ZNF215: variants seen among roughly 807,000 people sequenced by gnomAD.
The protein encoded by ZNF215 is BWSCR2-associated zinc finger protein 2.
In ZNF215, 24 loss-of-function variants were observed where a neutral mutation model predicts 27.2. The observed-to-expected ratio is 0.88, with a 90% confidence interval of 0.64 to 1.24. The LOEUF (loss-of-function observed/expected upper bound fraction) is 1.24. Among genes scored for constraint, ZNF215 ranks in the 50% most tolerant of loss-of-function variants. ZNF215 has a pLI of 0.00. For synonymous variants in ZNF215, 210 were observed against 204.0 expected, an observed-to-expected ratio of 1.03 and a Z score of -0.25; for missense variants, 675 against 605.7, an observed-to-expected ratio of 1.11 and a Z score of -1.20.
downstream of ZNF215, among the ~76,000 whole-genome samples, chr11:6,991,160 C>G (rs1851112288): frequency 1.3e-5 from 2 of 152,224 alleles, no homozygotes; most frequent in Admixed American, 1.3e-4. Flanking sequence ...TGGGAAAGGG[C>G]AAAGAGTCTC....
chr11:6,928,914 C>G (rs937400102), intron 2 of ZNF215, among the ~76,000 whole-genome samples: 1 of 151,952 alleles, frequency 6.6e-6, no homozygotes, highest in Non-Finnish European at 1.5e-5. Flanking sequence ...ACAGTTGTGG[C>G]GGGTTTTCAG....
intron 6 of ZNF215, among the ~76,000 whole-genome samples, chr11:6,945,776 G>A (rs980275258): frequency 6.6e-6 from 1 of 151,988 alleles, no homozygotes; most frequent in African/African-American, 2.4e-5. Context: ...ATCTTGTTTT[G>A]TCTTCTCTTC....
In ZNF215 at chr11:6,931,789, T is replaced by G. The variant is rs1266089633; in HGVS notation, c.-179-305T>G. On this transcript the variant is annotated intron_variant, in intron 2 of 6. Transcript: ENST00000278319. ...TACCTGAAGATTTGTGTTGCTTAATTTTAAGGTAAAAATGATTTGCTACCT... is the reference window on the plus strand; with the variant it reads ...TACCTGAAGATTTGTGTTGCTTAATGTTAAGGTAAAAATGATTTGCTACCT... Among the ~76,000 whole-genome samples, 3 of 152,306 alleles carry G rather than the reference T, an allele frequency of 2.0e-5. No homozygotes were observed. The South Asian group carries it at 6.2e-4, about 32-fold the overall frequency.
chr11:6,935,372 C>T (rs1849398338), intron 3 of ZNF215, among the ~76,000 whole-genome samples: 1 of 152,116 alleles, frequency 6.6e-6, no homozygotes. Context: ...TCTGCAGAGA[C>T]CAGTTGATGG....
chr11:6,943,592 GA>G lies in ZNF215; in HGVS notation c.670del (p.Arg224AspfsTer3), dbSNP rs779367863. On this transcript the variant is annotated frameshift_variant, in exon 6 of 7. Coordinates refer to ENST00000278319, the MANE Select transcript of ZNF215 (RefSeq NM_013250.4). LOFTEE classifies it low-confidence loss of function (END_TRUNC). ...TTGAGAGCCTTAAGTTGGAGAGTAA[GA>G]AAAAAAGATGGATAATGGAGAAAGA... The part of the protein sequence containing the change: ...PFESLKLESK[K>X]KRWIMEKEIP... 1.9e-6 allele frequency: 3 copies of G among 1,613,720 alleles called. No homozygotes were observed. Among genetic ancestry groups the G allele is most frequent in the African/African-American group, 2.7e-5 (2 of 74,888 alleles).
In ZNF215 at chr11:6,957,655, T is replaced by C. The variant is rs1432321577; in HGVS notation, c.*1124T>C. On this transcript the variant is annotated 3_prime_UTR_variant, in exon 7 of 7. Coordinates refer to ENST00000278319, the MANE Select transcript of ZNF215 (RefSeq NM_013250.4). ...CTTAACTCTTGTTTGTATCCATTAGTCTATGGTAAAATTGGTTTTGTTATA... is the reference window on the plus strand; with the variant it reads ...CTTAACTCTTGTTTGTATCCATTAGCCTATGGTAAAATTGGTTTTGTTATA... 1 of 695,488 alleles carries C rather than the reference T, an allele frequency of 1.4e-6. No homozygotes were observed. Among genetic ancestry groups the C allele is most frequent in the East Asian group, 1.3e-4 (1 of 7,498 alleles). The allele number at this position is 695,488 out of a possible 1,614,324, so 43.1% of individuals were successfully genotyped here.
Position 6,956,486 on chromosome 11 carries a change from A to G in ZNF215, c.1509A>G (p.Ser503=), listed in dbSNP as rs758114039. Residue 503 remains serine (S), a synonymous_variant, in exon 7 of 7, where the codon TCA becomes TCG. Transcript: ENST00000278319. ...GTAGTAAAGCCTTCAACAGGAGTTCAAACCTTGTTAAACATCAAAAACTGC... is the reference window on the plus strand; with the variant it reads ...GTAGTAAAGCCTTCAACAGGAGTTCGAACCTTGTTAAACATCAAAAACTGC... ...KECSKAFNRS[S]NLVKHQKLHT... is the part of the protein sequence containing the mutation. 6.2e-7 allele frequency: 1 copy of G among 1,605,286 alleles called. No homozygotes were observed. Among genetic ancestry groups the G allele is most frequent in the Admixed American group, 1.7e-5 (1 of 57,566 alleles).
At chr11:6,937,158 T>C (rs1194606223) in intron 3 of ZNF215, among the ~76,000 whole-genome samples, 1 of 152,022 alleles carries the variant, frequency 6.6e-6, no homozygotes, top group Non-Finnish European at 1.5e-5. Context: ...GCAGATGTTA[T>C]ACTCTTATAT....
At chr11:6,935,567 T>TA (rs1192239813) in intron 3 of ZNF215, among the ~76,000 whole-genome samples, 1 of 152,056 alleles carries the variant, frequency 6.6e-6, no homozygotes, top group African/African-American at 2.4e-5. Flanking sequence ...AGCCTCAAAA[T>TA]ATATGAAGCA....
chr11:6,984,096 T>G, intron 5 of ZNF215: 1 of 407,796 alleles, frequency 2.5e-6, no homozygotes, highest in Non-Finnish European at 4.8e-6. Flanking sequence ...GAAGATAATT[T>G]GACAATGTCC....
In ZNF215 at chr11:6,970,946, C is replaced by T. The variant is rs549438102; in HGVS notation, c.806-13183C>T. On this transcript the variant is annotated intron_variant, in intron 5 of 5. Coordinates refer to the ZNF215 transcript ENST00000529903. ...CCCTGTGGGGGAACTTTATCATGCT[C>T]TTCTTCCTTGCAAGTGATTGGTAGA... Among the ~76,000 whole-genome samples the T allele has an allele frequency of 3.3e-5, 5 of 152,276 alleles. No homozygotes were observed. The East Asian group carries it at 5.8e-4, about 18-fold the overall frequency.
At chr11:6,986,839 TCAAAAA>T (rs111675108), downstream of ZNF215, among the ~76,000 whole-genome samples, 38,980 of 151,324 alleles carry the variant, frequency 0.26, 5,825 homozygotes, top group East Asian at 0.61. Context: ...TGTTAAAAAG[TCAAAAA>T]CAAAAACAAA....
downstream of ZNF215, among the ~76,000 whole-genome samples, chr11:6,993,723 T>A (rs1229118442): frequency 6.6e-6 from 1 of 152,238 alleles, no homozygotes; most frequent in Non-Finnish European, 1.5e-5. Context: ...TGCCTAGATT[T>A]TATATACAGT....
chr11:6,981,717 T>G (rs575546423), intron 5 of ZNF215, among the ~76,000 whole-genome samples: 6 of 152,320 alleles, frequency 3.9e-5, no homozygotes, highest in African/African-American at 1.4e-4. Context: ...TGCCTAGGTT[T>G]TCTTCAGGGT....
intron 5 of ZNF215, among the ~76,000 whole-genome samples, chr11:6,967,653 ATTTG>A (rs1190021528): frequency 2.6e-5 from 4 of 151,562 alleles, no homozygotes; most frequent in African/African-American, 9.7e-5. Context: ...TTTCTTGTGG[ATTTG>A]TTTAAGTTCT....
At chr11:6,978,283 C>G (rs1185772722) in intron 5 of ZNF215, among the ~76,000 whole-genome samples, 2 of 152,016 alleles carry the variant, frequency 1.3e-5, no homozygotes, top group Admixed American at 6.6e-5. Flanking sequence ...GAAAAATACA[C>G]TGATTGAATG....
rs201689139 is a variant in ZNF215 at position 6,955,981 on chromosome 11, A to T, written c.1004A>T (p.Asp335Val). 5.6e-6 allele frequency: 9 copies of T among 1,612,952 alleles called. 1 individual carries two copies. In the South Asian group the frequency reaches 8.8e-5, roughly 16 times the overall value. ...IPSRKGSPKC[D>V]KFKTYFKFNL... ...TCAAGAAAGGGGTCTCCAAAATGTGATAAGTTTAAAACTTACTTCAAATTT... is the reference window on the plus strand; with the variant it reads ...TCAAGAAAGGGGTCTCCAAAATGTGTTAAGTTTAAAACTTACTTCAAATTT... Residue 335 changes from aspartate (D) to valine (V), a missense_variant, in exon 7 of 7, where the codon GAT (aspartate) becomes GTT (valine). Coordinates refer to ENST00000278319, the MANE Select transcript of ZNF215 (RefSeq NM_013250.4).
intron 3 of ZNF215, 23 bp from the exon 4 acceptor site, chr11:6,941,548 A>C: frequency 6.2e-7 from 1 of 1,610,674 alleles, no homozygotes; most frequent in Middle Eastern, 1.7e-4. Context: ...TGTCTCCCTA[A>C]TATTTTCCTT....
At chr11:6,926,902 G>C (rs1019504544) in intron 1 of ZNF215, 1 of 151,558 alleles carries the variant, frequency 6.6e-6, no homozygotes, top group East Asian at 1.9e-4. Context: ...GAGCTGACGG[G>C]AGGGATGGAA....
Sources: gnomAD v4.1 joint callset for allele counts (sites outside exome capture counted in the v4.1 genomes callset) on GRCh38, gnomAD v4.1.1 for gene constraint, MANE v1.5 for transcripts, NCBI Gene and HGNC (gene_info 2026-07-23, HGNC 2026-07-21) for gene names.